Variants in GSK3B observed in about 807,000 individuals in gnomAD.
GSK3B encodes the protein glycogen synthase kinase 3 beta.
Under a neutral mutation model 56.4 loss-of-function variants are expected in GSK3B, and 15 were observed. The observed-to-expected ratio is 0.27, with a 90% CI of 0.18 to 0.41. The LOEUF (loss-of-function observed/expected upper bound fraction) is 0.41, where lower values mean the gene tolerates loss of function less well. GSK3B is among the 10% of genes least tolerant of loss of function. GSK3B has a pLI of 1.00. For missense variants in GSK3B, 300 were observed against 513.4 expected (o/e 0.58, Z 4.02); for synonymous variants, 181 against 188.9 (o/e 0.96, Z 0.34).
At chr3:119,886,308 C>A (rs572884715) in intron 7 of GSK3B, among the ~76,000 whole-genome samples, 23 of 152,156 alleles carry the variant, frequency 1.5e-4, no homozygotes, top group Non-Finnish European at 2.2e-4. Flanking sequence ...CATCACTAAT[C>A]ATCAGAGAAA....
chr3:119,934,236 C>T (rs1484088808), intron 3 of GSK3B, among the ~76,000 whole-genome samples: 1 of 152,064 alleles, frequency 6.6e-6, no homozygotes, highest in African/African-American at 2.4e-5. Context: ...CTAAACACTA[C>T]ATCAGTCAGG....
chr3:119,889,368 G>T (rs573920051), intron 7 of GSK3B, among the ~76,000 whole-genome samples: 4 of 152,176 alleles, frequency 2.6e-5, no homozygotes, highest in African/African-American at 7.2e-5. Flanking sequence ...AACAAATATT[G>T]TAAGGATTAT....
intron 2 of GSK3B, among the ~76,000 whole-genome samples, chr3:119,976,048 T>TA (rs1417236729): frequency 6.6e-6 from 1 of 152,132 alleles, no homozygotes; most frequent in African/African-American, 2.4e-5. Flanking sequence ...ATGGGTATAA[T>TA]AAAAAACTAG....
intron 2 of GSK3B, among the ~76,000 whole-genome samples, chr3:119,991,825 G>C (rs2057569334): frequency 6.6e-6 from 1 of 151,936 alleles, no homozygotes; most frequent in Non-Finnish European, 1.5e-5. Context: ...ACCGAGCTTG[G>C]TATAAAGCAG....
intron 3 of GSK3B, among the ~76,000 whole-genome samples, chr3:119,925,224 GAGA>G (rs1345333870): frequency 6.6e-6 from 1 of 152,192 alleles, no homozygotes; most frequent in Non-Finnish European, 1.5e-5. Context: ...AGTTACTTGG[GAGA>G]AGGAGGTGGG....
chr3:119,834,016 G>A (rs756450791), intron 10 of GSK3B, among the ~76,000 whole-genome samples: 5 of 151,964 alleles, frequency 3.3e-5, no homozygotes, highest in Middle Eastern at 3.2e-3. Flanking sequence ...TTTTATTCCC[G>A]TATTTCCTTT....
chr3:119,862,327 G>GATC (rs1317747712), intron 9 of GSK3B, among the ~76,000 whole-genome samples: 2 of 118,774 alleles, frequency 1.7e-5, no homozygotes, highest in Non-Finnish European at 3.3e-5. Context: ...TGAACAATGA[G>GATC]ATCACATGGA....
chr3:119,933,675 G>A (rs1309862953), intron 3 of GSK3B, among the ~76,000 whole-genome samples: 2 of 152,214 alleles, frequency 1.3e-5, no homozygotes, highest in Non-Finnish European at 2.9e-5. Context: ...TCAGGAGTTC[G>A]AGCCAAGCCT....
At chr3:119,972,657 G>C (rs979125868) in intron 2 of GSK3B, among the ~76,000 whole-genome samples, 6 of 151,972 alleles carry the variant, frequency 3.9e-5, no homozygotes, top group African/African-American at 1.4e-4. Context: ...GGATGTTCTC[G>C]ATCTCCTGAC....
intron 1 of GSK3B, among the ~76,000 whole-genome samples, chr3:120,061,364 C>G (rs896779760): frequency 1.1e-4 from 16 of 152,314 alleles, no homozygotes; most frequent in African/African-American, 3.6e-4. Flanking sequence ...CATATTCTCA[C>G]AAATTCTCTA....
intron 1 of GSK3B, among the ~76,000 whole-genome samples, chr3:120,038,945 T>C (rs923479940): frequency 6.6e-6 from 1 of 151,240 alleles, no homozygotes; most frequent in Non-Finnish European, 1.5e-5. Context: ...GCAATACACA[T>C]ATCTGATAAA....
intron 10 of GSK3B, among the ~76,000 whole-genome samples, chr3:119,841,759 T>C (rs6805251): frequency 0.46 from 69,959 of 152,062 alleles, 19,700 homozygotes; most frequent in Non-Finnish European, 0.61. Flanking sequence ...AAGTTCAAAT[T>C]ACTTTCTCAA....
chr3:120,037,054 A>G (rs900918283), intron 1 of GSK3B, among the ~76,000 whole-genome samples: 3 of 152,232 alleles, frequency 2.0e-5, no homozygotes, highest in African/African-American at 7.2e-5. Flanking sequence ...TCACTGCATT[A>G]AACAATTATC....
chr3:120,090,154 T>C (rs2058498689), intron 1 of GSK3B, among the ~76,000 whole-genome samples: 1 of 152,044 alleles, frequency 6.6e-6, no homozygotes, highest in South Asian at 2.1e-4. Flanking sequence ...CCCAAAAGTA[T>C]TTTCATTGAT....
intron 4 of GSK3B, among the ~76,000 whole-genome samples, chr3:119,922,153 T>TAGGTAGGTAAGG (rs1443495302): frequency 9.6e-6 from 1 of 103,854 alleles, no homozygotes; most frequent in East Asian, 2.7e-4. Context: ...AGGAAGGAGG[T>TAGGTAGGTAAGG]AGGTAGGTAA....
rs957631153 is a variant in GSK3B, at chr3:119,947,215, G to A, written c.366+53C>T. 8 of 1,078,510 alleles carry A rather than the reference G, an allele frequency of 7.4e-6. No homozygotes were observed. In the Admixed American group the frequency reaches 1.1e-4, roughly 15 times the overall value. The allele number at this position is 1,078,510 out of a possible 1,614,324, so 66.8% of individuals were successfully genotyped here. On this transcript the variant is annotated intron_variant, in intron 3 of 10. Transcript: ENST00000264235. ...TGAGCGGTGGGGAGATTAATTTCTA[G>A]AAAAATAACAAATTTATCACAATAT...
intron 2 of GSK3B, among the ~76,000 whole-genome samples, chr3:119,987,235 G>A (rs1333382580): frequency 6.6e-6 from 1 of 152,130 alleles, no homozygotes; most frequent in Non-Finnish European, 1.5e-5. Flanking sequence ...TAAATGATGA[G>A]TTGATGGGTG....
chr3:120,092,928 TTC>T (rs1159414304), intron 1 of GSK3B, among the ~76,000 whole-genome samples: 2 of 152,244 alleles, frequency 1.3e-5, no homozygotes, highest in South Asian at 2.1e-4. Context: ...ACCTAAAATA[TTC>T]TCTCATTCCA....
chr3:119,895,478 A>G (rs2056552451), intron 7 of GSK3B, among the ~76,000 whole-genome samples: 1 of 152,116 alleles, frequency 6.6e-6, no homozygotes, highest in South Asian at 2.1e-4. Context: ...TTTTATTTTC[A>G]GTTTTTGAGG....
Sources: allele counts gnomAD v4.1 joint callset (sites outside exome capture counted in the v4.1 genomes callset), GRCh38; gene constraint gnomAD v4.1.1; transcripts MANE v1.5; gene names NCBI Gene and HGNC (gene_info 2026-07-23, HGNC 2026-07-21).